SPEN: variants seen among roughly 807,000 people sequenced by gnomAD.
The protein encoded by SPEN is msx2-interacting protein.
In SPEN, 18 loss-of-function variants were observed where a neutral mutation model predicts 269.9. That is an observed-to-expected ratio of 0.07 (90% CI 0.05 to 0.10). The LOEUF is 0.10. Ranked by LOEUF, SPEN falls within the 10% of genes least tolerant of loss-of-function variation. The pLI is 1.00. For synonymous variants in SPEN, 1,726 were observed against 1,765.7 expected (o/e 0.98, Z 0.56); for missense variants, 3,822 against 4,631.2 (o/e 0.83, Z 5.07).
chr1:15,885,537 A>C (rs897753100), intron 3 of SPEN, among the ~76,000 whole-genome samples: 1 of 152,204 alleles, frequency 6.6e-6, no homozygotes, highest in Non-Finnish European at 1.5e-5. Flanking sequence ...TGTATGATTA[A>C]GTATGCTCTT....
chr1:15,935,970 ACCCCCACCCCTG>A lies in SPEN; in HGVS notation c.9736_9747del (p.Thr3246_Pro3249del). 1 of 745,816 alleles carries A rather than the reference ACCCCCACCCCTG, an allele frequency of 1.3e-6. No homozygotes were observed. The highest frequency in any genetic ancestry group is 1.9e-6 in the Non-Finnish European group (1 of 530,394). The allele number at this position is 745,816 out of a possible 1,614,324, so 46.2% of individuals were successfully genotyped here. A position where few individuals can be genotyped will look rare whatever the true frequency, so the allele number is the denominator to read the frequency against. ...GACACCAGATGCCAAAGCTGCCCCCACCCCCACCCCTGCCCCCGTCCCTGTCCCTGTCCCCCT... is the reference window on the plus strand; with the variant it reads ...GACACCAGATGCCAAAGCTGCCCCCACCCCCGTCCCTGTCCCTGTCCCCCT... On this transcript the variant is annotated inframe_deletion, in exon 11 of 15. Transcript: ENST00000375759. This position sits in a 1 kb window ranked among gnomAD's most constrained non-coding sequence, Gnocchi z 7.7.
chr1:15,893,397 C>CTG (rs2070808653), intron 3 of SPEN, among the ~76,000 whole-genome samples: 1 of 152,110 alleles, frequency 6.6e-6, no homozygotes, highest in South Asian at 2.1e-4. Context: ...CCATCTTGGA[C>CTG]TGTAGCTTTG....
intron 3 of SPEN, among the ~76,000 whole-genome samples, chr1:15,881,310 T>G (rs891835102): frequency 6.6e-6 from 1 of 152,132 alleles, no homozygotes; most frequent in Admixed American, 6.6e-5. Context: ...ATTAAAAGAT[T>G]TAAGAAAGGA....
intron 10 of SPEN, among the ~76,000 whole-genome samples, chr1:15,925,200 T>C (rs2071154754): frequency 6.6e-6 from 1 of 152,174 alleles, no homozygotes; most frequent in African/African-American, 2.4e-5. Context: ...GGGGCTGGGC[T>C]GGGGATAAAC....
intron 1 of SPEN, among the ~76,000 whole-genome samples, chr1:15,865,674 T>G (rs1367126564): frequency 1.3e-5 from 2 of 150,284 alleles, no homozygotes; most frequent in African/African-American, 4.9e-5. Context: ...GATCCACCCA[T>G]TTTGTCCTCC....
chr1:15,938,991 G>T, intron 14 of SPEN, 115 bp downstream of exon 14: 1 of 1,375,632 alleles, frequency 7.3e-7, no homozygotes. Context: ...GGGCAAAGGG[G>T]CATTTTGGAC....
chr1:15,933,131 T>TA lies in SPEN; in HGVS notation c.6892dup (p.Thr2298AsnfsTer8). 1 of 1,613,934 alleles carries TA rather than the reference T, an allele frequency of 6.2e-7. No individual in the cohort carries two copies. On this transcript the variant is annotated frameshift_variant, in exon 11 of 15. Transcript: ENST00000375759. LOFTEE classifies it high-confidence loss of function. This position sits in a 1 kb window ranked among gnomAD's most constrained non-coding sequence, Gnocchi z 5.7. Reference sequence around the variant, plus strand: ...CTGACCCCTCAGCCGGCCCAACAGATACCAAGGAAGCCAGAGGAAATAGCA... The same window carrying TA: ...CTGACCCCTCAGCCGGCCCAACAGATAACCAAGGAAGCCAGAGGAAATAGCA...
intron 3 of SPEN, among the ~76,000 whole-genome samples, chr1:15,878,843 C>T (rs2070658460): frequency 1.3e-5 from 2 of 151,368 alleles, no homozygotes. Flanking sequence ...AACCCTGTCT[C>T]TACTAAAAAT....
At position 15,935,705 on chromosome 1, in the gene SPEN, T is replaced by A. The variant is rs1167965955; in HGVS notation, c.9465T>A (p.Pro3155=). The A allele has an allele frequency of 1.2e-6, 2 of 1,613,064 alleles. No individual in the cohort carries two copies. Among genetic ancestry groups the A allele is most frequent in the Non-Finnish European group, 8.5e-7 (1 of 1,179,600 alleles). ...TGCCTGCACTGGCCTCCCAGCACCC[T>A]CCCGAGGAGGAAGTGCATTATCACC... is the stretch of plus-strand genomic sequence containing the variant. ...AGVPALASQH[P]PEEEVHYHLP... is the part of the protein sequence containing the mutation. The change falls in exon 11 of 15, where the codon CCT becomes CCA. Residue 3155 remains proline (P), a synonymous_variant. Transcript: ENST00000375759. The surrounding 1 kb of genome is among the most constrained non-coding windows in gnomAD (Gnocchi z 7.7).
chr1:15,863,560 G>T (rs2070467976), intron 1 of SPEN, among the ~76,000 whole-genome samples: 1 of 152,080 alleles, frequency 6.6e-6, no homozygotes, highest in Non-Finnish European at 1.5e-5. Flanking sequence ...AAGTAATCTG[G>T]CTGGGTGCAG....
intron 1 of SPEN, among the ~76,000 whole-genome samples, chr1:15,868,337 T>C (rs1471134903): frequency 6.6e-6 from 1 of 151,876 alleles, no homozygotes; most frequent in African/African-American, 2.4e-5. Context: ...GTGCTTTTCA[T>C]TGAGTTTTAG....
intron 1 of SPEN, among the ~76,000 whole-genome samples, chr1:15,850,870 G>A (rs1160391413): frequency 1.3e-5 from 2 of 152,158 alleles, no homozygotes; most frequent in African/African-American, 4.8e-5. Flanking sequence ...TATTAAAACT[G>A]AACTTTAAGT....
At chr1:15,874,470 T>C in intron 2 of SPEN, 1 of 1,151,212 alleles carries the variant, frequency 8.7e-7, no homozygotes. Context: ...CCCCACTAAC[T>C]CTAGAAGTAT....
Position 15,932,830 on chromosome 1 carries a change from G to T in SPEN, c.6590G>T (p.Gly2197Val), listed in dbSNP as rs749580100. Residue 2197 changes from glycine to valine, a missense_variant, in exon 11 of 15, where the codon GGC (glycine) becomes GTC (valine). By Grantham distance (109) the Gly-to-Val change is moderately radical. Around this residue, in one of 16 missense-constraint regions of SPEN, gnomAD observed 727 missense variants for 737.9 expected, o/e 0.99. Transcript: ENST00000375759. This position sits in a 1 kb window ranked among gnomAD's most constrained non-coding sequence, Gnocchi z 4.2. ...GCCTATAAGGCAGATGCACCAGAGGGCCTTGCCCCAGAGGACAGGGACAAG... is the reference window on the plus strand; with the variant it reads ...GCCTATAAGGCAGATGCACCAGAGGTCCTTGCCCCAGAGGACAGGGACAAG... ...SAAYKADAPE[G>V]LAPEDRDKPA... is the part of the protein sequence containing the mutation. 2 of 1,614,220 alleles carry T rather than the reference G, an allele frequency of 1.2e-6. 1 individual carries two copies. Among genetic ancestry groups the T allele is most frequent in the South Asian group, 2.2e-5 (2 of 91,086 alleles).
intron 4 of SPEN, 44 bp downstream of exon 4, chr1:15,909,525 G>A: frequency 6.3e-7 from 1 of 1,575,306 alleles, no homozygotes; most frequent in Non-Finnish European, 8.7e-7. Flanking sequence ...CTACTACTGA[G>A]GAATGAGGTA....
chr1:15,895,148 C>T (rs192974755), intron 3 of SPEN, among the ~76,000 whole-genome samples: 1 of 152,106 alleles, frequency 6.6e-6, no homozygotes, highest in African/African-American at 2.4e-5. Flanking sequence ...TCTCGAGCTC[C>T]CGACCTCAGG....
In SPEN at chr1:15,939,946, C is replaced by T. The variant is rs2071323561; in HGVS notation, c.*519C>T. 2 of 232,824 alleles carry T rather than the reference C, an allele frequency of 8.6e-6. No individual in the cohort carries two copies. The highest frequency in any genetic ancestry group is 4.4e-5 in the African/African-American group (2 of 45,192). The allele number at this position is 232,824 out of a possible 1,614,324, so 14.4% of individuals were successfully genotyped here. On this transcript the variant is annotated 3_prime_UTR_variant, in exon 15 of 15. Coordinates refer to ENST00000375759, the MANE Select transcript of SPEN (RefSeq NM_015001.3). This position sits in a 1 kb window ranked among gnomAD's most constrained non-coding sequence, Gnocchi z 4.1. ...ACATTTCATTGGTTTTTTTTGTCCACCCCCATCTCCCTTGCTCATTTGGAT... is the reference window on the plus strand; with the variant it reads ...ACATTTCATTGGTTTTTTTTGTCCATCCCCATCTCCCTTGCTCATTTGGAT...
chr1:15,848,988 TA>T lies in SPEN; in HGVS notation c.83+848del, dbSNP rs1011164270. On this transcript the variant is annotated intron_variant, in intron 1 of 14. Coordinates refer to ENST00000375759, the MANE Select transcript of SPEN (RefSeq NM_015001.3). This position sits in a 1 kb window ranked among gnomAD's most constrained non-coding sequence, Gnocchi z 5.1. Reference sequence around the variant, plus strand: ...CCTTTTACGATGAGAAGATGTAGCTTAAAAAAAAAACCTCCCCTGAATATTT... The same window carrying T: ...CCTTTTACGATGAGAAGATGTAGCTTAAAAAAAAACCTCCCCTGAATATTT... 1.9e-4 allele frequency among the ~76,000 whole-genome samples: 28 copies of T among 149,100 alleles called. No homozygotes were observed. Among genetic ancestry groups the T allele is most frequent in the African/African-American group, 5.7e-4 (23 of 40,666 alleles).
intron 9 of SPEN, 34 bp downstream of exon 9, chr1:15,921,017 A>C: frequency 7.1e-7 from 1 of 1,405,276 alleles, no homozygotes; most frequent in Non-Finnish European, 1.0e-6. Flanking sequence ...AAGCAAAACA[A>C]AGTCCTATTC....
Sources: allele counts gnomAD v4.1 joint callset (sites outside exome capture counted in the v4.1 genomes callset), GRCh38; gene constraint gnomAD v4.1.1; regional missense constraint gnomAD v4.1.1; non-coding constraint Gnocchi (gnomAD v3.1); transcripts MANE v1.5; gene names NCBI Gene and HGNC (gene_info 2026-07-23, HGNC 2026-07-21).